The following RANBP2 variants were observed in gnomAD, a reference collection of about 807,000 sequenced individuals.
RANBP2 encodes the protein E3 SUMO-protein ligase RanBP2.
In RANBP2, 57 loss-of-function variants were observed where a neutral mutation model predicts 303.6. The observed-to-expected ratio is 0.19, with a 90% CI of 0.15 to 0.23. RANBP2 has a LOEUF of 0.23. Ranked by LOEUF, RANBP2 falls within the 10% of genes least tolerant of loss-of-function variation. RANBP2 has a pLI of 1.00. For missense variants in RANBP2, 3,138 were observed against 3,780.8 expected (o/e 0.83, Z 4.46); for synonymous variants, 1,167 against 1,301.5 (o/e 0.90, Z 2.23).
In RANBP2 at chr2:108,764,504, T is replaced by C; in HGVS notation, c.3965T>C (p.Ile1322Thr). Residue 1322 changes from isoleucine to threonine, a missense_variant, in exon 20 of 29, where the codon ATT becomes ACT. Coordinates refer to ENST00000283195, the MANE Select transcript of RANBP2 (RefSeq NM_006267.5). ...VAMASNQAVR[I>T]VKEPTSHDNK... is the part of the protein sequence containing the mutation. Reference sequence around the variant, plus strand: ...ATGGCGTCAAATCAGGCTGTCAGAATTGTAAAAGAACCCACAAGTCATGAT... The same window carrying C: ...ATGGCGTCAAATCAGGCTGTCAGAACTGTAAAAGAACCCACAAGTCATGAT... The C allele has an allele frequency of 3.1e-6, 5 of 1,613,938 alleles. No homozygotes were observed. The highest frequency in any genetic ancestry group is 4.2e-6 in the Non-Finnish European group (5 of 1,179,962).
chr2:109,182,021 A>G, the RANBP2 span, among the ~76,000 whole-genome samples: 4 of 152,178 alleles, frequency 2.6e-5, no homozygotes, highest in African/African-American at 9.7e-5. Context: ...TTGAACTTCA[A>G]AAAAATTATC....
chr2:109,699,630 T>C, the RANBP2 span, among the ~76,000 whole-genome samples: 2 of 152,218 alleles, frequency 1.3e-5, no homozygotes, highest in African/African-American at 2.4e-5. Context: ...ATCCTCATTA[T>C]CTTCACATTA....
At chr2:109,031,718 G>T in the RANBP2 span, among the ~76,000 whole-genome samples, 1 of 152,186 alleles carries the variant, frequency 6.6e-6, no homozygotes, top group Non-Finnish European at 1.5e-5. Context: ...TGGCAACCTG[G>T]ACGCGCTGCG....
the RANBP2 span, among the ~76,000 whole-genome samples, chr2:109,319,864 C>T: frequency 6.6e-6 from 1 of 152,182 alleles, no homozygotes; most frequent in Admixed American, 6.5e-5. Flanking sequence ...GGAGTATCAG[C>T]CCATTTGCCC....
At chr2:109,142,646 A>G in the RANBP2 span, among the ~76,000 whole-genome samples, 2 of 152,212 alleles carry the variant, frequency 1.3e-5, no homozygotes, top group Non-Finnish European at 2.9e-5. Context: ...GCTTGGCTGC[A>G]TCTTGGAGCC....
chr2:109,533,511 G>A, the RANBP2 span, among the ~76,000 whole-genome samples: 2 of 152,178 alleles, frequency 1.3e-5, no homozygotes, highest in South Asian at 4.1e-4. Context: ...ACAGAACCAC[G>A]GGCCTGAGGA....
At chr2:109,388,943 G>A in the RANBP2 span, among the ~76,000 whole-genome samples, 1 of 152,174 alleles carries the variant, frequency 6.6e-6, no homozygotes, top group Non-Finnish European at 1.5e-5. Context: ...GAGAACATGA[G>A]GGCTGCAGTG....
chr2:109,574,878 T>C, the RANBP2 span: 2 of 681,256 alleles, frequency 2.9e-6, no homozygotes, highest in South Asian at 3.3e-5. Context: ...AAACAGTTAA[T>C]ATCTATGCTG....
At chr2:109,557,793 A>G in the RANBP2 span, among the ~76,000 whole-genome samples, 1 of 151,198 alleles carries the variant, frequency 6.6e-6, no homozygotes, top group Non-Finnish European at 1.5e-5. Context: ...AAATAAAAAC[A>G]TTTTCTTGCT....
chr2:109,219,189 G>A, the RANBP2 span, among the ~76,000 whole-genome samples: 3 of 152,338 alleles, frequency 2.0e-5, no homozygotes, highest in African/African-American at 2.4e-5. Flanking sequence ...TGGAGCATGG[G>A]AGGATCCTGA....
chr2:109,613,843 C>A, the RANBP2 span: 2 of 1,236,612 alleles, frequency 1.6e-6, no homozygotes, highest in Non-Finnish European at 2.0e-6. Flanking sequence ...CGGGCAGGGG[C>A]ACGGTGAAGC....
At chr2:109,022,293 C>T in the RANBP2 span, among the ~76,000 whole-genome samples, 9 of 152,292 alleles carry the variant, frequency 5.9e-5, no homozygotes, top group Admixed American at 2.0e-4. Flanking sequence ...GTTCCCCCGC[C>T]CCACTCACTC....
the RANBP2 span, among the ~76,000 whole-genome samples, chr2:108,967,600 G>A: frequency 3.9e-5 from 6 of 152,162 alleles, no homozygotes; most frequent in Admixed American, 3.3e-4. Context: ...ACTTGAAAGA[G>A]CAGGGGGCTG....
At chr2:109,542,752 T>A in the RANBP2 span, among the ~76,000 whole-genome samples, 1 of 152,240 alleles carries the variant, frequency 6.6e-6, no homozygotes, top group Admixed American at 6.5e-5. Context: ...CTGAGAGACA[T>A]CTGTGAATTT....
chr2:109,293,930 G>A, the RANBP2 span, among the ~76,000 whole-genome samples: 5 of 152,152 alleles, frequency 3.3e-5, no homozygotes, highest in South Asian at 4.1e-4. Context: ...ACCAATGGCC[G>A]GCGCCCTCCT....
chr2:109,053,782 C>T, the RANBP2 span, among the ~76,000 whole-genome samples: 4 of 152,214 alleles, frequency 2.6e-5, no homozygotes, highest in Admixed American at 1.3e-4. Context: ...TCGTCAGGGG[C>T]GTGAGCCATT....
chr2:108,880,911 G>A, the RANBP2 span, among the ~76,000 whole-genome samples: 16 of 152,296 alleles, frequency 1.1e-4, no homozygotes, highest in African/African-American at 2.4e-4. Context: ...CTTTCAAGTC[G>A]ATTTGCTTCT....
the RANBP2 span, among the ~76,000 whole-genome samples, chr2:109,390,783 G>A: frequency 1.3e-5 from 2 of 152,210 alleles, no homozygotes; most frequent in African/African-American, 4.8e-5. Context: ...CACAGGGGCG[G>A]TCGCTTCCCG....
the RANBP2 span, among the ~76,000 whole-genome samples, chr2:108,807,584 C>T: frequency 6.6e-6 from 1 of 152,082 alleles, no homozygotes; most frequent in Non-Finnish European, 1.5e-5. Flanking sequence ...TGCTATAAAG[C>T]TAGAACTTAT....
Sources: allele counts gnomAD v4.1 joint callset (sites outside exome capture counted in the v4.1 genomes callset), GRCh38; gene constraint gnomAD v4.1.1; transcripts MANE v1.5; gene names NCBI Gene and HGNC (gene_info 2026-07-23, HGNC 2026-07-21).